SGPP2: variants seen among roughly 807,000 people sequenced by gnomAD.
The protein encoded by SGPP2 is sphingosine 1-phosphate phosphohydrolase 2.
SGPP2 carries 30 observed loss-of-function variants against 33.9 expected under a neutral mutation model. The ratio of observed to expected loss-of-function variants is 0.89; its 90% CI spans 0.66 to 1.20. The LOEUF (loss-of-function observed/expected upper bound fraction) is 1.20, where lower values mean the gene tolerates loss of function less well. Among genes scored for constraint, SGPP2 ranks in the 50% most tolerant of loss-of-function variants. The pLI is 0.00. For synonymous variants in SGPP2, 233 were observed against 225.0 expected (o/e 1.04, Z -0.32); for missense variants, 458 against 532.1 (o/e 0.86, Z 1.37).
rs115166822 is a variant in SGPP2, at chr2:222,477,830, G to A, written c.378+3104G>A. On this transcript the variant is annotated intron_variant, in intron 2 of 4. Transcript: ENST00000321276. The surrounding 1 kb of genome is among the most constrained non-coding windows in gnomAD (Gnocchi z 6.0). The stretch of plus-strand genomic sequence containing the variant: ...ATTATTGGTGGTTATTTTCTGCTTC[G>A]GATTCCTCACTTCAAAGCGTCAGAG... Among the ~76,000 whole-genome samples the A allele has an allele frequency of 1.9e-4, 29 of 152,150 alleles. No individual in the cohort carries two copies. Among genetic ancestry groups the A allele is most frequent in the South Asian group, 4.2e-4 (2 of 4,816 alleles).
intron 1 of SGPP2, among the ~76,000 whole-genome samples, chr2:222,470,584 G>A (rs1281884788): frequency 6.6e-6 from 1 of 151,756 alleles, no homozygotes; most frequent in African/African-American, 2.4e-5. Flanking sequence ...AAAGCAGTTT[G>A]CTATCACTTT....
chr2:222,513,813 A>T (rs536663558), intron 2 of SGPP2, among the ~76,000 whole-genome samples: 73 of 152,254 alleles, frequency 4.8e-4, no homozygotes, highest in African/African-American at 1.7e-3. Flanking sequence ...GAGGCAAAGA[A>T]AGGACCCTCC....
In SGPP2 at chr2:222,560,024, G is replaced by A. The variant is rs2106162318; in HGVS notation, c.*1126G>A. On this transcript the variant is annotated 3_prime_UTR_variant, in exon 5 of 5. Transcript: ENST00000321276. ...CTCACACATCACCAAACAGGTTGGG[G>A]GTTAGCCTTCAGCACAGGTGGATAC... 1 of 152,430 alleles carries A rather than the reference G, an allele frequency of 6.6e-6. No individual in the cohort carries two copies. The highest frequency in any genetic ancestry group is 2.1e-4 in the South Asian group (1 of 4,820). 9.4% of individuals were successfully genotyped at this position (152,430 alleles called of 1,614,324 possible).
intron 1 of SGPP2, among the ~76,000 whole-genome samples, chr2:222,459,694 C>T (rs539940501): frequency 3.8e-4 from 58 of 152,022 alleles, no homozygotes; most frequent in African/African-American, 1.4e-3. Flanking sequence ...CAGAGGCTCC[C>T]GGAACATGAA....
chr2:222,466,362 G>T (rs1044555479), intron 1 of SGPP2, among the ~76,000 whole-genome samples: 1 of 149,246 alleles, frequency 6.7e-6, no homozygotes, highest in African/African-American at 2.5e-5. Context: ...GGGTTCAAGC[G>T]ATTCTCTTGC....
At chr2:222,490,840 A>C (rs1411078809) in intron 2 of SGPP2, among the ~76,000 whole-genome samples, 1 of 152,134 alleles carries the variant, frequency 6.6e-6, no homozygotes, top group Non-Finnish European at 1.5e-5. Flanking sequence ...ACAGCTTCTG[A>C]ATCTTGTATT....
At chr2:222,471,904 G>A (rs1247679694) in intron 1 of SGPP2, among the ~76,000 whole-genome samples, 1 of 152,036 alleles carries the variant, frequency 6.6e-6, no homozygotes, top group African/African-American at 2.4e-5. Flanking sequence ...TGTTTTTTAA[G>A]TTGTTAAGAT....
chr2:222,433,321 T>C (rs2106058356), intron 1 of SGPP2, among the ~76,000 whole-genome samples: 1 of 152,208 alleles, frequency 6.6e-6, no homozygotes, highest in East Asian at 1.9e-4. Flanking sequence ...TATAAACCCC[T>C]CTCAGTGGAG....
chr2:222,538,247 G>C (rs1320499584), intron 4 of SGPP2, among the ~76,000 whole-genome samples: 1 of 152,082 alleles, frequency 6.6e-6, no homozygotes, highest in African/African-American at 2.4e-5. Flanking sequence ...CTGACTCTGA[G>C]CATTTGTTGA....
chr2:222,557,509 C>T (rs910180547), intron 4 of SGPP2, among the ~76,000 whole-genome samples: 1 of 151,974 alleles, frequency 6.6e-6, no homozygotes, highest in African/African-American at 2.4e-5. Flanking sequence ...TTCTATTATA[C>T]ATATAGGAAA....
At chr2:222,463,456 A>T (rs1452607419) in intron 1 of SGPP2, among the ~76,000 whole-genome samples, 1 of 152,220 alleles carries the variant, frequency 6.6e-6, no homozygotes, top group East Asian at 1.9e-4. Flanking sequence ...AATATAAAAA[A>T]AATAGTTGAT....
chr2:222,435,141 A>G (rs1369466152), intron 1 of SGPP2, among the ~76,000 whole-genome samples: 1 of 151,840 alleles, frequency 6.6e-6, no homozygotes, highest in Non-Finnish European at 1.5e-5. Context: ...GTCCCACAAT[A>G]GGCCTTCTGC....
intron 3 of SGPP2, among the ~76,000 whole-genome samples, chr2:222,522,875 G>A (rs552806716): frequency 9.2e-5 from 14 of 152,266 alleles, no homozygotes; most frequent in Admixed American, 3.3e-4. Flanking sequence ...TAGTGAAGGG[G>A]TCTTGCTGTG....
chr2:222,525,514 G>A lies in SGPP2; in HGVS notation c.648+481G>A, dbSNP rs567481328. On this transcript the variant is annotated intron_variant, in intron 4 of 4. Coordinates refer to ENST00000321276, the MANE Select transcript of SGPP2 (RefSeq NM_152386.4). ...GCTTCCTTCCATACTGTTTTAGGCT[G>A]GAGGCAGTGGTGGGAACAGAGTCCC... is the stretch of plus-strand genomic sequence containing the variant. Among the ~76,000 whole-genome samples, 12 of 152,312 alleles carry A rather than the reference G, an allele frequency of 7.9e-5. No individual in the cohort carries two copies. In the East Asian group the frequency reaches 2.3e-3, roughly 29 times the overall value.
At chr2:222,437,971 C>T (rs2106063584) in intron 1 of SGPP2, among the ~76,000 whole-genome samples, 1 of 152,268 alleles carries the variant, frequency 6.6e-6, no homozygotes, top group Non-Finnish European at 1.5e-5. Flanking sequence ...TCATATGGCC[C>T]AAGTGGCAGA....
intron 2 of SGPP2, chr2:222,498,455 A>G (rs1698316484): frequency 6.6e-6 from 1 of 152,152 alleles, no homozygotes; most frequent in African/African-American, 2.4e-5. Context: ...TCCCGGCCCA[A>G]AGAAAACATT....
chr2:222,467,950 G>GAAAAA lies in SGPP2; in HGVS notation c.220-6584_220-6580dup, dbSNP rs61253653. Among the ~76,000 whole-genome samples, 13 of 24,874 alleles carry GAAAAA rather than the reference G, an allele frequency of 5.2e-4. 2 individuals are homozygous for GAAAAA. The highest frequency in any genetic ancestry group is 4.8e-3 in the East Asian group (2 of 416). 16.3% of individuals were successfully genotyped at this position (24,874 alleles called of 152,430 possible). ...AAATGTATATTTAAAGCTCTAATCT[G>GAAAAA]AAAAAAAAAAAAAAAAAAAAAAAAA... On this transcript the variant is annotated intron_variant, in intron 1 of 4. Transcript: ENST00000321276.
intron 4 of SGPP2, among the ~76,000 whole-genome samples, chr2:222,536,226 A>G (rs1698914051): frequency 6.6e-6 from 1 of 152,216 alleles, no homozygotes. Context: ...GCCTCTCTTA[A>G]TGCAAAAAGC....
At chr2:222,496,798 A>G (rs866334791) in intron 2 of SGPP2, among the ~76,000 whole-genome samples, 3 of 152,164 alleles carry the variant, frequency 2.0e-5, no homozygotes, top group Non-Finnish European at 4.4e-5. Context: ...CATCATCTCT[A>G]GAAAAGCCAC....
Sources: gnomAD v4.1 joint callset for allele counts (sites outside exome capture counted in the v4.1 genomes callset) on GRCh38, gnomAD v4.1.1 for gene constraint, Gnocchi (gnomAD v3.1) non-coding constraint, MANE v1.5 for transcripts, NCBI Gene and HGNC (gene_info 2026-07-23, HGNC 2026-07-21) for gene names.